COL22A1: variants seen among roughly 807,000 people sequenced by gnomAD.
The protein encoded by COL22A1 is collagen alpha-1(XXII) chain.
In COL22A1, 221 loss-of-function variants were observed where a neutral mutation model predicts 248.9. The ratio of observed to expected loss-of-function variants is 0.89; its 90% confidence interval spans 0.80 to 0.99. The LOEUF (loss-of-function observed/expected upper bound fraction) is 0.99, where lower values mean the gene tolerates loss of function less well. COL22A1 is among the 50% of genes least tolerant of loss of function. The probability of loss-of-function intolerance (pLI) is 0.00; values close to 1 mark genes in which losing one functional copy is unlikely to be tolerated. For missense variants in COL22A1, 2,240 were observed against 2,179.0 expected, an observed-to-expected ratio of 1.03 and a Z score of -0.56; for synonymous variants, 891 against 793.4, an observed-to-expected ratio of 1.12 and a Z score of -2.07.
At chr8:138,745,574 A>G (rs1832039920) in intron 22 of COL22A1, among the ~76,000 whole-genome samples, 1 of 148,940 alleles carries the variant, frequency 6.7e-6, no homozygotes, top group South Asian at 2.1e-4. Flanking sequence ...AAAAATAAAT[A>G]AGAAAAAGTC....
intron 18 of COL22A1, among the ~76,000 whole-genome samples, chr8:138,757,589 C>G (rs1833123041): frequency 6.6e-6 from 1 of 152,106 alleles, no homozygotes; most frequent in African/African-American, 2.4e-5. Context: ...AAACTAAGAC[C>G]CTCGTATCCA....
rs879795428 is a variant in COL22A1 at position 138,706,283 on chromosome 8, A to C, written c.2518-2936T>G. 1.3e-5 allele frequency among the ~76,000 whole-genome samples: 2 copies of C among 152,306 alleles called. 1 individual carries two copies. The highest frequency in any genetic ancestry group is 4.1e-4 in the South Asian group (2 of 4,824). The stretch of plus-strand genomic sequence containing the variant: ...ACTTGAACTCAGCTCTGCACCAAGC[A>C]GACCTAATAGACATCTACAGAACTC... On this transcript the variant is annotated intron_variant, in intron 30 of 64. Coordinates refer to ENST00000303045, the MANE Select transcript of COL22A1 (RefSeq NM_152888.3).
chr8:138,733,169 T>C (rs112867487), intron 23 of COL22A1, among the ~76,000 whole-genome samples: 3,018 of 152,286 alleles, frequency 0.02, 84 homozygotes, highest in African/African-American at 0.066. Context: ...CAAGGGACTT[T>C]GTCCTGAGCA....
intron 5 of COL22A1, among the ~76,000 whole-genome samples, chr8:138,831,139 T>G (rs1586846208): frequency 1.3e-5 from 2 of 152,196 alleles, no homozygotes; most frequent in South Asian, 4.2e-4. Flanking sequence ...GACATTAGGG[T>G]CTGACACAGT....
chr8:138,842,468 C>T (rs570723968), intron 4 of COL22A1, among the ~76,000 whole-genome samples: 40 of 152,180 alleles, frequency 2.6e-4, no homozygotes, highest in African/African-American at 5.3e-4. Flanking sequence ...GCTTTGAAGA[C>T]GAATATCAAT....
At chr8:138,842,874 G>C (rs1159034985) in intron 4 of COL22A1, among the ~76,000 whole-genome samples, 1 of 152,194 alleles carries the variant, frequency 6.6e-6, no homozygotes, top group Non-Finnish European at 1.5e-5. Context: ...ACTTTGTTTG[G>C]TTTCCTCTGA....
chr8:138,795,652 A>G (rs545622843), intron 12 of COL22A1, among the ~76,000 whole-genome samples: 6 of 152,266 alleles, frequency 3.9e-5, no homozygotes, highest in Admixed American at 3.9e-4. Flanking sequence ...CTTCTCCTAA[A>G]TGTCATTTTG....
chr8:138,593,952 C>G, intron 63 of COL22A1, 65 bp downstream of exon 63: 1 of 1,307,284 alleles, frequency 7.6e-7, no homozygotes, highest in Non-Finnish European at 1.0e-6. Flanking sequence ...TGCCACCTCC[C>G]AGCCCTGTTC....
chr8:138,807,931 C>A, intron 9 of COL22A1, 119 bp from the exon 10 acceptor site: 1 of 964,914 alleles, frequency 1.0e-6, no homozygotes, highest in East Asian at 2.5e-5. Context: ...AGCCCAGCGC[C>A]GACCAATGAG....
chr8:138,890,197 T>TA lies in COL22A1; in HGVS notation c.-72-6954dup, dbSNP rs888149249. 3.4e-3 allele frequency among the ~76,000 whole-genome samples: 521 copies of TA among 151,342 alleles called. 4 individuals are homozygous for TA. Among genetic ancestry groups the TA allele is most frequent in the African/African-American group, 0.011 (451 of 40,934 alleles). On this transcript the variant is annotated intron_variant, in intron 1 of 64. Transcript: ENST00000303045. ...GACAAAACCCAGCACCCTTTCATGATAAAAAAAATAAAATAAGACTATAAA... is the reference window on the plus strand; with the variant it reads ...GACAAAACCCAGCACCCTTTCATGATAAAAAAAAATAAAATAAGACTATAAA...
chr8:138,704,124 G>A (rs963814049), intron 30 of COL22A1, among the ~76,000 whole-genome samples: 11 of 152,282 alleles, frequency 7.2e-5, no homozygotes, highest in Middle Eastern at 3.4e-3. Context: ...CAAAGCAGCC[G>A]GGAGGCTCGA....
chr8:138,711,589 T>G (rs1292496928), intron 30 of COL22A1, among the ~76,000 whole-genome samples: 1 of 152,188 alleles, frequency 6.6e-6, no homozygotes, highest in Non-Finnish European at 1.5e-5. Flanking sequence ...AATGGCTTAC[T>G]GAGGCAGAGC....
chr8:138,903,697 C>G (rs1169635281), intron 1 of COL22A1, among the ~76,000 whole-genome samples: 1 of 152,198 alleles, frequency 6.6e-6, no homozygotes, highest in Non-Finnish European at 1.5e-5. Context: ...AAAAACCTCT[C>G]TCCTACTATC....
At chr8:138,780,793 G>T in intron 13 of COL22A1, 134 bp downstream of exon 13, 1 of 764,454 alleles carries the variant, frequency 1.3e-6, no homozygotes, top group Non-Finnish European at 2.3e-6. Flanking sequence ...TATCTGCGAG[G>T]ATCCTAATAT....
chr8:138,799,021 TTTCA>T (rs1348771093), intron 11 of COL22A1, among the ~76,000 whole-genome samples: 1 of 152,166 alleles, frequency 6.6e-6, no homozygotes, highest in Non-Finnish European at 1.5e-5. Flanking sequence ...TCTGTCTATT[TTTCA>T]TTATTTTTTC....
intron 41 of COL22A1, among the ~76,000 whole-genome samples, chr8:138,670,129 C>G (rs796455140): frequency 3.3e-5 from 5 of 152,274 alleles, no homozygotes; most frequent in African/African-American, 1.2e-4. Flanking sequence ...TCAGGCAATT[C>G]ACCTGCCTTG....
At position 138,766,550 on chromosome 8, in the gene COL22A1, C is replaced by T. The variant is rs746061106; in HGVS notation, c.1804-4084G>A. ...AACAAAGACAAAGAGATGTGAGAGA[C>T]GGAGAGAGAGACAGAAAAAGACAGA... On this transcript the variant is annotated intron_variant, in intron 16 of 64. Transcript: ENST00000303045. Among the ~76,000 whole-genome samples, 51 of 151,444 alleles carry T rather than the reference C, an allele frequency of 3.4e-4. 1 individual carries two copies. Among genetic ancestry groups the T allele is most frequent in the Non-Finnish European group, 5.5e-4 (37 of 67,888 alleles).
At chr8:138,589,590 T>C in intron 64 of COL22A1, 150 bp from the exon 65 acceptor site, 1 of 576,288 alleles carries the variant, frequency 1.7e-6, no homozygotes, top group East Asian at 3.4e-5. Context: ...TCTGAGCAAC[T>C]AGAGTGGTCC....
chr8:138,642,475 G>A (rs562681856), intron 47 of COL22A1, among the ~76,000 whole-genome samples: 6 of 152,170 alleles, frequency 3.9e-5, no homozygotes, highest in Non-Finnish European at 7.3e-5. Flanking sequence ...GTCACCATCC[G>A]CTCCTAAATG....
Sources: allele counts gnomAD v4.1 joint callset (sites outside exome capture counted in the v4.1 genomes callset), GRCh38; gene constraint gnomAD v4.1.1; transcripts MANE v1.5; gene names NCBI Gene and HGNC (gene_info 2026-07-23, HGNC 2026-07-21).